Variants in CHN1 observed in about 807,000 individuals in gnomAD.
The protein encoded by CHN1 is chimerin 1, also known as N-chimaerin.
In CHN1, 37 loss-of-function variants were observed where a neutral mutation model predicts 59.5. The ratio of observed to expected loss-of-function variants is 0.62; its 90% CI spans 0.48 to 0.82. The LOEUF (loss-of-function observed/expected upper bound fraction) is 0.82, where lower values mean the gene tolerates loss of function less well. Ranked by LOEUF, CHN1 falls within the 40% of genes least tolerant of loss-of-function variation. The pLI is 0.00. For missense variants in CHN1, 469 were observed against 571.0 expected (o/e 0.82, Z 1.82); for synonymous variants, 206 against 200.4 (o/e 1.03, Z -0.24).
intron 7 of CHN1, among the ~76,000 whole-genome samples, chr2:174,841,663 G>A (rs887650076): frequency 2.0e-5 from 3 of 151,712 alleles, no homozygotes; most frequent in Non-Finnish European, 2.9e-5. Context: ...TTTCTTTCTT[G>A]GAGAAATTCC....
intron 5 of CHN1, among the ~76,000 whole-genome samples, chr2:174,884,065 T>G (rs1344346949): frequency 6.6e-6 from 1 of 151,372 alleles, no homozygotes; most frequent in Non-Finnish European, 1.5e-5. Flanking sequence ...CCTCCCAGGT[T>G]CACGCCATTC....
chr2:174,965,421 G>T (rs563400311), intron 1 of CHN1, among the ~76,000 whole-genome samples: 2 of 152,112 alleles, frequency 1.3e-5, no homozygotes, highest in East Asian at 1.9e-4. Flanking sequence ...GTTCATTCTA[G>T]AACAGACTAG....
At chr2:174,955,399 C>T (rs756858597) in intron 1 of CHN1, among the ~76,000 whole-genome samples, 1 of 151,660 alleles carries the variant, frequency 6.6e-6, no homozygotes, top group African/African-American at 2.4e-5. Flanking sequence ...GAAAACCAAA[C>T]GTCATATGTT....
In CHN1 at chr2:174,801,737, G is replaced by T; in HGVS notation, c.1178C>A (p.Thr393Asn). The T allele has an allele frequency of 6.2e-7, 1 of 1,613,446 alleles. No homozygotes were observed. Among genetic ancestry groups the T allele is most frequent in the Non-Finnish European group, 8.5e-7 (1 of 1,179,492 alleles). ...LKLLPPAHCE[T>N]LRYLMAHLKR... Reference sequence around the variant, plus strand: ...TAGATGTGCCATGAGGTACCGGAGGGTTTCGCAGTGAGCAGGTGGCAGTAG... The same window carrying T: ...TAGATGTGCCATGAGGTACCGGAGGTTTTCGCAGTGAGCAGGTGGCAGTAG... Residue 393 changes from threonine to asparagine, a missense_variant, in exon 12 of 13, where the codon ACC becomes AAC. Transcript: ENST00000409900.
chr2:175,003,817 G>C (rs986570957), intron 1 of CHN1, among the ~76,000 whole-genome samples: 5 of 152,096 alleles, frequency 3.3e-5, no homozygotes, highest in African/African-American at 9.7e-5. Flanking sequence ...GTGACTTTGG[G>C]AAACAACCTC....
chr2:174,849,582 GAC>G (rs1686658333), intron 6 of CHN1, among the ~76,000 whole-genome samples: 1 of 151,960 alleles, frequency 6.6e-6, no homozygotes, highest in Admixed American at 6.6e-5. Context: ...TCAATAGTCT[GAC>G]ATTCTAGACA....
intron 1 of CHN1, among the ~76,000 whole-genome samples, chr2:174,990,786 T>C (rs1028305817): frequency 3.3e-5 from 5 of 152,178 alleles, no homozygotes; most frequent in Non-Finnish European, 7.3e-5. Context: ...GAAACATGAA[T>C]TGCATTTTCA....
intron 7 of CHN1, among the ~76,000 whole-genome samples, chr2:174,826,579 A>G (rs1223059928): frequency 6.6e-6 from 1 of 152,224 alleles, no homozygotes; most frequent in African/African-American, 2.4e-5. Flanking sequence ...ATCTCATGGT[A>G]AAGCATCTGA....
chr2:175,002,331 T>C (rs1483338829), intron 1 of CHN1, among the ~76,000 whole-genome samples: 2 of 152,156 alleles, frequency 1.3e-5, no homozygotes, highest in African/African-American at 2.4e-5. Context: ...GGTTCTTCTA[T>C]CCCAAAATAA....
chr2:174,840,588 T>C (rs2105425851), intron 7 of CHN1, among the ~76,000 whole-genome samples: 1 of 152,284 alleles, frequency 6.6e-6, no homozygotes, highest in Non-Finnish European at 1.5e-5. Context: ...TCTCCTCCCA[T>C]GTCTAACAGA....
intron 1 of CHN1, among the ~76,000 whole-genome samples, chr2:174,992,378 AAAG>A (rs1331774680): frequency 1.3e-5 from 2 of 152,334 alleles, no homozygotes; most frequent in Non-Finnish European, 2.9e-5. Context: ...CCAAAAGAGA[AAAG>A]AAGGTCAGTT....
intron 7 of CHN1, among the ~76,000 whole-genome samples, chr2:174,839,852 T>A (rs1453047650): frequency 3.3e-5 from 5 of 152,054 alleles, no homozygotes; most frequent in Admixed American, 3.3e-4. Flanking sequence ...GATCTGCCTA[T>A]CTCAGCCTCT....
At chr2:174,841,415 A>ATAAT (rs1686296856) in intron 7 of CHN1, among the ~76,000 whole-genome samples, 1 of 152,202 alleles carries the variant, frequency 6.6e-6, no homozygotes, top group Non-Finnish European at 1.5e-5. Context: ...GATATGTACT[A>ATAAT]TAATAGGCAG....
intron 7 of CHN1, among the ~76,000 whole-genome samples, chr2:174,845,789 G>A (rs569302621): frequency 3.6e-5 from 4 of 111,574 alleles, no homozygotes; most frequent in Admixed American, 3.1e-4. Flanking sequence ...GGTGGGGGGG[G>A]GGGTGTTGGT....
At chr2:174,846,652 T>C (rs976601581) in intron 7 of CHN1, among the ~76,000 whole-genome samples, 3 of 152,198 alleles carry the variant, frequency 2.0e-5, no homozygotes, top group African/African-American at 7.2e-5. Context: ...TGAGTACACA[T>C]TGATAAAACA....
chr2:174,802,446 C>A (rs942075758), intron 11 of CHN1, among the ~76,000 whole-genome samples: 2 of 152,188 alleles, frequency 1.3e-5, no homozygotes, highest in Admixed American at 6.5e-5. Context: ...CTCAGACATT[C>A]AGAAGAATGC....
intron 1 of CHN1, among the ~76,000 whole-genome samples, chr2:174,961,717 T>C (rs765592917): frequency 8.5e-5 from 13 of 152,202 alleles, no homozygotes; most frequent in Non-Finnish European, 1.8e-4. Flanking sequence ...TTTTACATTC[T>C]GCAAATCTCT....
intron 5 of CHN1, among the ~76,000 whole-genome samples, chr2:174,906,908 A>G (rs1328780027): frequency 2.0e-5 from 3 of 152,004 alleles, no homozygotes; most frequent in Admixed American, 1.3e-4. Flanking sequence ...AAAAGGGGGG[A>G]AAAAATGAGG....
chr2:174,885,027 C>T (rs1009081434), intron 5 of CHN1, among the ~76,000 whole-genome samples: 5 of 151,894 alleles, frequency 3.3e-5, no homozygotes, highest in African/African-American at 9.7e-5. Flanking sequence ...GTGGCTCATG[C>T]CTGTAATCCC....
Sources: allele counts gnomAD v4.1 joint callset (sites outside exome capture counted in the v4.1 genomes callset), GRCh38; gene constraint gnomAD v4.1.1; transcripts MANE v1.5; gene names NCBI Gene and HGNC (gene_info 2026-07-23, HGNC 2026-07-21).